The following CELF2 variants were observed in gnomAD, a reference collection of about 807,000 sequenced individuals.
CELF2 encodes the protein CUG triplet repeat RNA-binding protein 2.
In CELF2, 8 loss-of-function variants were observed where a neutral mutation model predicts 62.6. That is an observed-to-expected ratio of 0.13 (90% CI 0.07 to 0.23). The LOEUF is 0.23. Ranked by LOEUF, CELF2 falls within the 10% of genes least tolerant of loss-of-function variation. The probability of loss-of-function intolerance (pLI) is 1.00; values close to 1 mark genes in which losing one functional copy is unlikely to be tolerated. For missense variants in CELF2, 333 were observed against 671.0 expected, an observed-to-expected ratio of 0.50 and a Z score of 5.56; for synonymous variants, 258 against 250.0, an observed-to-expected ratio of 1.03 and a Z score of -0.30.
At chr10:10,697,418 G>A in the CELF2 span, among the ~76,000 whole-genome samples, 4 of 152,186 alleles carry the variant, frequency 2.6e-5, no homozygotes, top group Non-Finnish European at 4.4e-5. Context: ...AGGCCAGTGT[G>A]CAAATTGGAA....
intron 1 of CELF2, among the ~76,000 whole-genome samples, chr10:10,842,138 C>T (rs1371098954): frequency 6.6e-6 from 1 of 151,894 alleles, no homozygotes; most frequent in Admixed American, 6.6e-5. Context: ...TGTATATTGA[C>T]CTTGTATCTT....
the CELF2 span, among the ~76,000 whole-genome samples, chr10:10,569,297 C>T: frequency 1.3e-5 from 2 of 152,092 alleles, no homozygotes; most frequent in South Asian, 2.1e-4. Flanking sequence ...AGGACAAAGG[C>T]ATGTCTAAAC....
chr10:10,565,105 G>A, the CELF2 span, among the ~76,000 whole-genome samples: 2 of 152,154 alleles, frequency 1.3e-5, no homozygotes, highest in Non-Finnish European at 2.9e-5. Context: ...TTAATTAATT[G>A]ATAAAGGGGC....
the CELF2 span, among the ~76,000 whole-genome samples, chr10:10,688,985 C>A: frequency 1.3e-5 from 2 of 151,684 alleles, no homozygotes; most frequent in East Asian, 3.9e-4. Context: ...GGCTGGGCAA[C>A]AGAACAAGAC....
intron 4 of CELF2, among the ~76,000 whole-genome samples, chr10:11,256,573 C>CTTTT (rs374817123): frequency 5.0e-5 from 5 of 100,914 alleles, no homozygotes; most frequent in Non-Finnish European, 4.4e-5. Context: ...TGGCTAGCTT[C>CTTTT]TTTTTTTTTT....
Position 11,326,886 on chromosome 10 carries a change from G to C in CELF2, c.1438+907G>C, listed in dbSNP as rs56121322. Among the ~76,000 whole-genome samples the C allele has an allele frequency of 9.0e-3, 1,373 of 152,260 alleles. 21 individuals are homozygous for C. The highest frequency in any genetic ancestry group is 0.054 in the Middle Eastern group (16 of 294). On this transcript the variant is annotated intron_variant, in intron 12 of 12. Coordinates refer to ENST00000633077, the MANE Select transcript of CELF2 (RefSeq NM_001326342.2). ...AGGTAAGGGCTGGAGGAAACACACA[G>C]AATTCTGTGCTGTAAAGGAAAGTAG... is the stretch of plus-strand genomic sequence containing the variant.
At chr10:10,669,266 T>A in the CELF2 span, among the ~76,000 whole-genome samples, 538 of 152,340 alleles carry the variant, frequency 3.5e-3, 7 homozygotes, top group East Asian at 0.019. Context: ...GAAAGATTGG[T>A]TGTATAAATC....
intron 2 of CELF2, among the ~76,000 whole-genome samples, chr10:11,208,544 C>G (rs1431855769): frequency 6.6e-6 from 1 of 152,222 alleles, no homozygotes; most frequent in Non-Finnish European, 1.5e-5. Flanking sequence ...TCTCCCTGGC[C>G]TCTCTGAGCA....
upstream of CELF2, among the ~76,000 whole-genome samples, chr10:11,001,655 G>C (rs961924577): frequency 1.3e-5 from 2 of 152,120 alleles, no homozygotes; most frequent in Non-Finnish European, 2.9e-5. Flanking sequence ...AACTTTTCTA[G>C]TTTTTTTCTT....
chr10:11,257,733 C>G lies in CELF2; in HGVS notation c.404-5C>G. On this transcript the variant is annotated splice_polypyrimidine_tract_variant and splice_region_variant and intron_variant, in intron 4 of 12. Transcript: ENST00000633077. ...CTTTGCTCATTCGTTATTTTTATCTCCTAGCTGTGGAAGACAGAAAATTGT... is the reference window on the plus strand; with the variant it reads ...CTTTGCTCATTCGTTATTTTTATCTGCTAGCTGTGGAAGACAGAAAATTGT... 1 of 1,612,968 alleles carries G rather than the reference C, an allele frequency of 6.2e-7. No homozygotes were observed. The highest frequency in any genetic ancestry group is 8.5e-7 in the Non-Finnish European group (1 of 1,179,050).
chr10:10,656,316 T>C, the CELF2 span, among the ~76,000 whole-genome samples: 2 of 147,780 alleles, frequency 1.4e-5, no homozygotes. Context: ...AGTGTGGCGA[T>C]TCCTCAGGGA....
In CELF2 at chr10:10,953,341, A is replaced by G. The variant is rs1057015470; in HGVS notation, c.89+33342A>G. Among the ~76,000 whole-genome samples, 6 of 152,174 alleles carry G rather than the reference A, an allele frequency of 3.9e-5. No homozygotes were observed. The East Asian group carries it at 1.2e-3, about 29-fold the overall frequency. ...ATTTTTAGCTCAATTCACTGTTCAG[A>G]TTAATATTTTTGGTAAATGAGTGAC... On this transcript the variant is annotated intron_variant, in intron 2 of 13. Coordinates refer to the CELF2 transcript ENST00000636488.
chr10:11,053,005 A>T (rs1025087243), intron 1 of CELF2, among the ~76,000 whole-genome samples: 7 of 151,710 alleles, frequency 4.6e-5, no homozygotes, highest in South Asian at 2.1e-4. Flanking sequence ...TTTTTTTTTT[A>T]AATGTTTTCT....
chr10:10,503,884 A>G, the CELF2 span, among the ~76,000 whole-genome samples: 1 of 151,904 alleles, frequency 6.6e-6, no homozygotes, highest in African/African-American at 2.4e-5. Context: ...AGCATTTTCA[A>G]GTGTATCTCT....
Position 11,258,327 on chromosome 10 carries a change from T to C in CELF2, c.538+455T>C, listed in dbSNP as rs2079431351. Among the ~76,000 whole-genome samples, 2 of 152,346 alleles carry C rather than the reference T, an allele frequency of 1.3e-5. 1 individual carries two copies. The highest frequency in any genetic ancestry group is 4.8e-5 in the African/African-American group (2 of 41,576). On this transcript the variant is annotated intron_variant, in intron 5 of 12. Coordinates refer to ENST00000633077, the MANE Select transcript of CELF2 (RefSeq NM_001326342.2). The stretch of plus-strand genomic sequence containing the variant: ...AAAAAGCGTCAATGTTCACATGTAG[T>C]GCAGAGCAGATAGGGATGTAGGGTA...
At chr10:10,634,768 T>C in the CELF2 span, among the ~76,000 whole-genome samples, 1 of 151,874 alleles carries the variant, frequency 6.6e-6, no homozygotes. Context: ...TTCAAGCGAT[T>C]CTCCTGTCTC....
intron 9 of CELF2, among the ~76,000 whole-genome samples, chr10:11,304,783 C>A (rs748051045): frequency 1.3e-5 from 2 of 152,176 alleles, no homozygotes; most frequent in Non-Finnish European, 2.9e-5. Context: ...GGGGAACACA[C>A]ATTGAAACCA....
Position 11,307,533 on chromosome 10 carries a change from A to T in CELF2, c.977-6606A>T, listed in dbSNP as rs2094313508. On this transcript the variant is annotated intron_variant, in intron 9 of 12. Transcript: ENST00000633077. ...AGCCTCTACCTAATAACTGATGATG[A>T]TCTAAAAATGGTGCCAAATACAGTG... 2.6e-5 allele frequency among the ~76,000 whole-genome samples: 4 copies of T among 152,344 alleles called. No homozygotes were observed. The South Asian group carries it at 8.3e-4, about 32-fold the overall frequency.
the CELF2 span, among the ~76,000 whole-genome samples, chr10:10,728,085 C>T: frequency 3.5e-3 from 531 of 151,282 alleles, no homozygotes; most frequent in Non-Finnish European, 5.7e-3. Flanking sequence ...CTAGAGATGA[C>T]CTTTGAGCTG....
Sources: allele counts gnomAD v4.1 joint callset (sites outside exome capture counted in the v4.1 genomes callset), GRCh38; gene constraint gnomAD v4.1.1; transcripts MANE v1.5; gene names NCBI Gene and HGNC (gene_info 2026-07-23, HGNC 2026-07-21).